TSHR: variants seen among roughly 807,000 people sequenced by gnomAD.
TSHR encodes the protein thyrotropin receptor.
Under a neutral mutation model 64.1 loss-of-function variants are expected in TSHR, and 51 were observed. That is an observed-to-expected ratio of 0.80 (90% CI 0.64 to 1.01). The LOEUF (loss-of-function observed/expected upper bound fraction) is 1.01, where lower values mean the gene tolerates loss of function less well. Ranked by LOEUF, TSHR falls within the 50% of genes least tolerant of loss-of-function variation. TSHR has a pLI of 0.00. For missense variants in TSHR, 877 were observed against 942.8 expected, an observed-to-expected ratio of 0.93 and a Z score of 0.91; for synonymous variants, 361 against 361.9, an observed-to-expected ratio of 1.00 and a Z score of 0.03.
intron 8 of TSHR, among the ~76,000 whole-genome samples, chr14:81,134,299 G>A (rs548874268): frequency 4.0e-5 from 6 of 151,798 alleles, no homozygotes; most frequent in Non-Finnish European, 5.9e-5. Context: ...CACCATGCCC[G>A]GCTAATTTTG....
At chr14:81,067,689 C>T (rs1288249418) in intron 2 of TSHR, among the ~76,000 whole-genome samples, 2 of 148,398 alleles carry the variant, frequency 1.3e-5, no homozygotes, top group African/African-American at 4.9e-5. Context: ...TATCCTAGAC[C>T]AGGTCTTGGA....
Position 81,091,120 on chromosome 14 carries a change from T to C in TSHR, c.444T>C (p.Tyr148=). ...LKMFPDLTKV[Y]STDIFFILEI... is the part of the protein sequence containing the mutation. ...TGTTCCCTGACCTGACCAAAGTTTA[T>C]TCCACTGATATATTCTTTATACTGT... Residue 148 remains tyrosine (Y), a synonymous_variant, in exon 5 of 10, where the codon TAT becomes TAC. Coordinates refer to ENST00000298171, the MANE Select transcript of TSHR (RefSeq NM_000369.5). 1.2e-6 allele frequency: 2 copies of C among 1,612,502 alleles called. No individual in the cohort carries two copies. The highest frequency in any genetic ancestry group is 1.7e-6 in the Non-Finnish European group (2 of 1,179,822).
At chr14:81,067,477 A>G (rs948823818) in intron 2 of TSHR, among the ~76,000 whole-genome samples, 5 of 47,352 alleles carry the variant, frequency 1.1e-4, no homozygotes, top group African/African-American at 3.4e-4. Context: ...AAAGGAGTTT[A>G]TAGTTTTATA....
intron 5 of TSHR, among the ~76,000 whole-genome samples, chr14:81,091,457 T>G (rs1888730479): frequency 6.6e-6 from 1 of 152,162 alleles, no homozygotes; most frequent in African/African-American, 2.4e-5. Context: ...GTTTTACTAT[T>G]AAAAGGAGCA....
chr14:81,124,053 T>G (rs1890915499), intron 8 of TSHR, among the ~76,000 whole-genome samples: 1 of 152,188 alleles, frequency 6.6e-6, no homozygotes, highest in Admixed American at 6.5e-5. Flanking sequence ...TTTAGCATAT[T>G]GTTGAGTAAG....
chr14:81,076,878 G>A (rs1887541770), intron 3 of TSHR, among the ~76,000 whole-genome samples: 1 of 152,056 alleles, frequency 6.6e-6, no homozygotes, highest in South Asian at 2.1e-4. Flanking sequence ...AAACAGCCAG[G>A]CCCACAAGTT....
intron 8 of TSHR, among the ~76,000 whole-genome samples, chr14:81,121,396 A>G (rs1287198197): frequency 6.6e-6 from 1 of 152,192 alleles, no homozygotes; most frequent in Non-Finnish European, 1.5e-5. Context: ...ACTACCAATC[A>G]AGTATGATTG....
At chr14:80,971,647 G>T (rs570203186) in intron 1 of TSHR, among the ~76,000 whole-genome samples, 1 of 152,258 alleles carries the variant, frequency 6.6e-6, no homozygotes, top group African/African-American at 2.4e-5. Context: ...GCAGATAGGT[G>T]AATTGAAAGG....
rs1418754419 is a variant in TSHR, at chr14:80,955,781, A to T, written c.101A>T (p.Glu34Val). 6.2e-7 allele frequency: 1 copy of T among 1,614,186 alleles called. No homozygotes were observed. Among genetic ancestry groups the T allele is most frequent in the Admixed American group, 1.7e-5 (1 of 60,028 alleles). ...TCTCCACCCTGCGAGTGCCATCAGG[A>T]GGAGGACTTCAGAGTCACCTGCAAG... Reference protein sequence around the residue: ...CSSPPCECHQEEDFRVTCKDI... With the variant: ...CSSPPCECHQVEDFRVTCKDI... Residue 34 changes from glutamate to valine, a missense_variant, in exon 1 of 10, where the codon GAG (glutamate) becomes GTG (valine). Physicochemically the swap from Glu to Val is moderately radical, Grantham distance 121. Coordinates refer to ENST00000298171, the MANE Select transcript of TSHR (RefSeq NM_000369.5).
At chr14:81,055,981 A>T (rs1336259352) in intron 1 of TSHR, among the ~76,000 whole-genome samples, 2 of 152,106 alleles carry the variant, frequency 1.3e-5, no homozygotes. Flanking sequence ...GTGGAATGAT[A>T]TGGTTTGGCT....
At chr14:81,097,360 A>G (rs1203582685) in intron 7 of TSHR, among the ~76,000 whole-genome samples, 1 of 152,150 alleles carries the variant, frequency 6.6e-6, no homozygotes, top group Non-Finnish European at 1.5e-5. Context: ...TTTCATACAT[A>G]GTAATTTTAT....
At chr14:81,141,374 G>A (rs1353153585) in intron 9 of TSHR, among the ~76,000 whole-genome samples, 1 of 152,236 alleles carries the variant, frequency 6.6e-6, no homozygotes, top group African/African-American at 2.4e-5. Context: ...CAGAACCCAA[G>A]AGATCACTCA....
At chr14:80,967,648 T>A (rs952892794) in intron 1 of TSHR, among the ~76,000 whole-genome samples, 23 of 152,192 alleles carry the variant, frequency 1.5e-4, no homozygotes, top group Non-Finnish European at 2.6e-4. Flanking sequence ...GGGTGAGAGA[T>A]GATACTGGCT....
Position 81,037,448 on chromosome 14 carries a change from A to AAAAAAAAAAAAAAAAAAAAAAAAAAAAC in TSHR, c.171-24698_171-24697insAAAAAAAAAAAAAAAAAAAAAAAAACAA, listed in dbSNP as rs1273226258. ...ACAAACAAACAAACAAACAAACAAA[A>AAAAAAAAAAAAAAAAAAAAAAAAAAAAC]AACAGAAAATGATCTAACAAAATGT... On this transcript the variant is annotated intron_variant, in intron 1 of 9. Transcript: ENST00000298171. 6.2e-5 allele frequency among the ~76,000 whole-genome samples: 8 copies of AAAAAAAAAAAAAAAAAAAAAAAAAAAAC among 128,448 alleles called. 1 individual carries two copies. The highest frequency in any genetic ancestry group is 1.1e-4 in the Non-Finnish European group (6 of 54,402). 84.3% of individuals were successfully genotyped at this position (128,448 alleles called of 152,430 possible).
intron 8 of TSHR, among the ~76,000 whole-genome samples, chr14:81,130,278 CCAA>C (rs1891182487): frequency 6.6e-6 from 1 of 152,176 alleles, no homozygotes; most frequent in Non-Finnish European, 1.5e-5. Context: ...TATGCTCACT[CCAA>C]TCAGGTTTTC....
At chr14:80,989,576 C>T (rs528447235) in intron 1 of TSHR, among the ~76,000 whole-genome samples, 300 of 152,166 alleles carry the variant, frequency 2.0e-3, no homozygotes, top group Admixed American at 4.5e-3. Context: ...TTGAAATTCC[C>T]ATCTGTTCCC....
chr14:81,108,998 A>T lies in TSHR; in HGVS notation c.692+546A>T, dbSNP rs373485535. On this transcript the variant is annotated intron_variant, in intron 8 of 9. Coordinates refer to ENST00000298171, the MANE Select transcript of TSHR (RefSeq NM_000369.5). ...TTTACACCCCCACATCCAATCAGTG[A>T]TCAGGTTCTATTGATTCTGCTTCCC... 70 of 1,260,848 alleles carry T rather than the reference A, an allele frequency of 5.6e-5. No homozygotes were observed. The African/African-American group carries it at 9.4e-4, about 17-fold the overall frequency. The allele number at this position is 1,260,848 out of a possible 1,614,324, so 78.1% of individuals were successfully genotyped here.
chr14:81,030,206 C>T (rs1039054700), intron 1 of TSHR, among the ~76,000 whole-genome samples: 1 of 152,122 alleles, frequency 6.6e-6, no homozygotes, highest in Admixed American at 6.5e-5. Flanking sequence ...AAAGAAGTCA[C>T]TTTCACAAAG....
At chr14:80,958,773 A>G (rs1886854336) in intron 1 of TSHR, among the ~76,000 whole-genome samples, 1 of 151,960 alleles carries the variant, frequency 6.6e-6, no homozygotes, top group Non-Finnish European at 1.5e-5. Flanking sequence ...CTCTTTTTGG[A>G]ATCTACTTAA....
Sources: gnomAD v4.1 joint callset for allele counts (sites outside exome capture counted in the v4.1 genomes callset) on GRCh38, gnomAD v4.1.1 for gene constraint, MANE v1.5 for transcripts, NCBI Gene and HGNC (gene_info 2026-07-23, HGNC 2026-07-21) for gene names.